Variants in UBE2L3 observed in about 807,000 individuals in gnomAD.
UBE2L3 encodes the protein ubiquitin-conjugating enzyme E2 L3.
A neutral mutation model predicts 17.8 loss-of-function variants in UBE2L3; 1 was observed. The observed-to-expected ratio is 0.06, with a 90% CI of 0.02 to 0.27. UBE2L3 has a LOEUF of 0.27. Among genes scored for constraint, UBE2L3 ranks in the 10% least tolerant of loss-of-function variants. UBE2L3 has a pLI of 1.00. For missense variants in UBE2L3, 40 were observed against 192.6 expected (o/e 0.21, Z 4.69); for synonymous variants, 44 against 68.5 (o/e 0.64, Z 1.76).
intron 1 of UBE2L3, among the ~76,000 whole-genome samples, chr22:21,582,127 AAAACAAAAAAAC>A (rs1927674798): frequency 6.6e-6 from 1 of 150,886 alleles, no homozygotes; most frequent in African/African-American, 2.4e-5. Flanking sequence ...CTCAAAAAAA[AAAACAAAAAAAC>A]AAACAAAAAA....
intron 1 of UBE2L3, among the ~76,000 whole-genome samples, chr22:21,574,693 G>A (rs149522450): frequency 1.2e-4 from 19 of 152,294 alleles, no homozygotes; most frequent in African/African-American, 4.6e-4. Flanking sequence ...GGGGCCAGGC[G>A]CGGTGGCTCA....
intron 3 of UBE2L3, among the ~76,000 whole-genome samples, chr22:21,621,035 C>T (rs1192868934): frequency 6.6e-6 from 1 of 152,096 alleles, no homozygotes; most frequent in Non-Finnish European, 1.5e-5. Flanking sequence ...TGGTGGTGCA[C>T]GACTGTAGTC....
chr22:21,565,259 A>AT (rs1926586888), upstream of UBE2L3, among the ~76,000 whole-genome samples: 1 of 151,280 alleles, frequency 6.6e-6, no homozygotes, highest in Non-Finnish European at 1.5e-5. Flanking sequence ...CGCCCGGCTA[A>AT]TTTTTTGTAT....
At chr22:21,614,592 T>A (rs1191927369) in intron 3 of UBE2L3, 3 of 1,367,448 alleles carry the variant, frequency 2.2e-6, no homozygotes, top group African/African-American at 1.5e-5. Context: ...TTCTCTCAGA[T>A]CCAGCCTTGA....
At chr22:21,617,904 G>A (rs1243471746) in intron 3 of UBE2L3, among the ~76,000 whole-genome samples, 4 of 152,192 alleles carry the variant, frequency 2.6e-5, no homozygotes, top group African/African-American at 9.6e-5. Flanking sequence ...ACTTGAGGCC[G>A]GGCATGGTGG....
intron 1 of UBE2L3, among the ~76,000 whole-genome samples, chr22:21,589,026 T>G (rs1349396509): frequency 6.6e-6 from 1 of 152,208 alleles, no homozygotes; most frequent in Non-Finnish European, 1.5e-5. Flanking sequence ...ATTCCTGGGC[T>G]CAAGCAGTCT....
intron 1 of UBE2L3, among the ~76,000 whole-genome samples, chr22:21,586,875 C>CTT (rs34463645): frequency 1.6e-4 from 19 of 118,928 alleles, no homozygotes; most frequent in African/African-American, 2.2e-4. Context: ...TGTGCCCGGC[C>CTT]TTTTTTTTTT....
chr22:21,610,019 A>T (rs1929395556), intron 2 of UBE2L3, among the ~76,000 whole-genome samples: 3 of 152,222 alleles, frequency 2.0e-5, no homozygotes, highest in East Asian at 1.9e-4. Context: ...GACTCTGAAA[A>T]AATAATAATA....
At chr22:21,616,564 A>G (rs922656069) in intron 3 of UBE2L3, among the ~76,000 whole-genome samples, 15 of 151,748 alleles carry the variant, frequency 9.9e-5, no homozygotes, top group African/African-American at 3.4e-4. Flanking sequence ...AGGCAGGAGA[A>G]TCACTTGAAC....
At chr22:21,571,071 C>T (rs183813355) in intron 1 of UBE2L3, among the ~76,000 whole-genome samples, 150 of 152,276 alleles carry the variant, frequency 9.9e-4, no homozygotes, top group Non-Finnish European at 1.4e-3. Context: ...AAGCACTTGC[C>T]AGGAGGCTTA....
chr22:21,585,859 T>TAAA (rs1303851121), intron 1 of UBE2L3, among the ~76,000 whole-genome samples: 1 of 152,182 alleles, frequency 6.6e-6, no homozygotes, highest in Non-Finnish European at 1.5e-5. Context: ...CAAAGAGTTT[T>TAAA]AGCTGGAAAT....
intron 1 of UBE2L3, among the ~76,000 whole-genome samples, chr22:21,573,925 C>T (rs894973543): frequency 6.6e-6 from 1 of 152,180 alleles, no homozygotes; most frequent in Non-Finnish European, 1.5e-5. Context: ...GCCAGGCCAG[C>T]CTTGGAGGGT....
intron 1 of UBE2L3, among the ~76,000 whole-genome samples, chr22:21,561,831 T>A (rs568424182): frequency 4.8e-4 from 73 of 152,358 alleles, no homozygotes; most frequent in Non-Finnish European, 9.8e-4. Flanking sequence ...CTCACCTGCA[T>A]GCTCTAGATG....
chr22:21,567,359 T>C (rs1926680761), upstream of UBE2L3, among the ~76,000 whole-genome samples: 1 of 152,122 alleles, frequency 6.6e-6, no homozygotes, highest in South Asian at 2.1e-4. Flanking sequence ...GAGACCGAGT[T>C]TCACCACGTT....
intron 2 of UBE2L3, among the ~76,000 whole-genome samples, chr22:21,602,269 G>A (rs1349538000): frequency 2.0e-5 from 3 of 152,228 alleles, no homozygotes; most frequent in African/African-American, 7.2e-5. Context: ...CAGCATGCTA[G>A]TTAGATCCAA....
In UBE2L3 at chr22:21,597,775, A is replaced by ATTTTTTTTTTTTTTTTTTTTT. The variant is rs35054754; in HGVS notation, c.123+4831_123+4851dup. 2.7e-4 allele frequency among the ~76,000 whole-genome samples: 7 copies of ATTTTTTTTTTTTTTTTTTTTT among 25,600 alleles called. 1 individual carries two copies. The highest frequency in any genetic ancestry group is 3.5e-4 in the Non-Finnish European group (5 of 14,436). The allele number at this position is 25,600 out of a possible 152,430, so 16.8% of individuals were successfully genotyped here. On this transcript the variant is annotated intron_variant, in intron 2 of 3. Transcript: ENST00000342192. ...GGATCTTTGATCCATTTATATGTAG[A>ATTTTTTTTTTTTTTTTTTTTT]TTTTTTTTTTTTTTTTTTTTTTTTT...
At chr22:21,571,195 T>C (rs1926942471) in intron 1 of UBE2L3, among the ~76,000 whole-genome samples, 1 of 152,238 alleles carries the variant, frequency 6.6e-6, no homozygotes, top group South Asian at 2.1e-4. Context: ...TAACCATTGC[T>C]TCAATCAGGA....
chr22:21,618,097 C>T (rs777026466), intron 3 of UBE2L3, among the ~76,000 whole-genome samples: 1 of 152,086 alleles, frequency 6.6e-6, no homozygotes, highest in Non-Finnish European at 1.5e-5. Flanking sequence ...AGGAGAATCC[C>T]TTGAACCCAG....
intron 1 of UBE2L3, among the ~76,000 whole-genome samples, chr22:21,581,677 C>T (rs1452673587): frequency 6.6e-6 from 1 of 151,984 alleles, no homozygotes; most frequent in South Asian, 2.1e-4. Flanking sequence ...TGGCGGGCGC[C>T]TGTAATCCCA....
Sources: gnomAD v4.1 joint callset for allele counts (sites outside exome capture counted in the v4.1 genomes callset) on GRCh38, gnomAD v4.1.1 for gene constraint, MANE v1.5 for transcripts, NCBI Gene and HGNC (gene_info 2026-07-23, HGNC 2026-07-21) for gene names.